GRAMD1A: variants seen among roughly 807,000 people sequenced by gnomAD.
GRAMD1A encodes GRAM domain containing 1A.
GRAMD1A carries 50 observed loss-of-function variants against 92.0 expected under a neutral mutation model. That is an observed-to-expected ratio of 0.54 (90% CI 0.43 to 0.69). The LOEUF is 0.69. Ranked by LOEUF, GRAMD1A falls within the 30% of genes least tolerant of loss-of-function variation. The probability of loss-of-function intolerance (pLI) is 0.00; values close to 1 mark genes in which losing one functional copy is unlikely to be tolerated. For synonymous variants in GRAMD1A, 405 were observed against 403.6 expected (o/e 1.00, Z -0.04); for missense variants, 819 against 978.9 (o/e 0.84, Z 2.18).
intron 13 of GRAMD1A, among the ~76,000 whole-genome samples, chr19:35,020,967 G>T (rs73597435): frequency 0.036 from 5,470 of 152,304 alleles, 324 homozygotes; most frequent in African/African-American, 0.13. Context: ...AGGTTTAGCT[G>T]ACAGGATTTG....
chr19:34,995,966 T>C (rs893135727), upstream of GRAMD1A: 16 of 1,414,390 alleles, frequency 1.1e-5, no homozygotes, highest in African/African-American at 1.4e-5. Flanking sequence ...GGGAGCTCTA[T>C]CCCTCATCTC....
chr19:35,018,850 A>C (rs1600325003), intron 11 of GRAMD1A, among the ~76,000 whole-genome samples: 1 of 151,886 alleles, frequency 6.6e-6, no homozygotes, highest in East Asian at 1.9e-4. Context: ...GGGGCCTGGG[A>C]GATGCAGCAG....
At chr19:35,022,244 G>T (rs536878976) in intron 16 of GRAMD1A, among the ~76,000 whole-genome samples, 23 of 152,228 alleles carry the variant, frequency 1.5e-4, no homozygotes, top group South Asian at 2.1e-4. Context: ...AGCCGGGGGG[G>T]GCTATGGGAG....
chr19:35,025,934 G>A, intron 19 of GRAMD1A, 115 bp from the exon 20 acceptor site: 2 of 688,820 alleles, frequency 2.9e-6, no homozygotes, highest in Non-Finnish European at 5.3e-6. Context: ...ACCCTGGGGT[G>A]GGGCAGTATG....
chr19:35,023,092 C>A, intron 17 of GRAMD1A, 144 bp from the exon 18 acceptor site: 2 of 805,174 alleles, frequency 2.5e-6, no homozygotes, highest in South Asian at 1.5e-5. Flanking sequence ...GACTGTGCAA[C>A]CCTAGGCATG....
chr19:34,995,571 GTTTTT>G (rs59556577), upstream of GRAMD1A, among the ~76,000 whole-genome samples: 1 of 93,652 alleles, frequency 1.1e-5, no homozygotes, highest in Admixed American at 1.3e-4. Context: ...CAGATCACGG[GTTTTT>G]TTTTTTTTTT....
intron 16 of GRAMD1A, 80 bp from the exon 17 acceptor site, chr19:35,022,820 C>A: frequency 6.8e-7 from 1 of 1,479,612 alleles, no homozygotes; most frequent in Non-Finnish European, 9.2e-7. Flanking sequence ...AGAGCTGCCC[C>A]GGGTGAGGAG....
chr19:35,017,410 C>G (rs2015719910), intron 11 of GRAMD1A, among the ~76,000 whole-genome samples: 2 of 152,240 alleles, frequency 1.3e-5, no homozygotes, highest in South Asian at 4.1e-4. Context: ...ACACAAGGCA[C>G]CATCTTCCTG....
intron 19 of GRAMD1A, chr19:35,024,891 G>A (rs1216128842): frequency 6.6e-6 from 1 of 152,212 alleles, no homozygotes; most frequent in East Asian, 1.9e-4. Context: ...TGACTCAAGT[G>A]ATCCTCCTGC....
At chr19:35,012,618 CAT>C (rs1862655824) in intron 7 of GRAMD1A, among the ~76,000 whole-genome samples, 1 of 152,022 alleles carries the variant, frequency 6.6e-6, no homozygotes, top group Non-Finnish European at 1.5e-5. Flanking sequence ...ACCTTGAACA[CAT>C]GACTTTCCCT....
Position 35,014,318 on chromosome 19 carries a change from T to A in GRAMD1A, c.1000T>A (p.Leu334Met). 1 of 1,614,102 alleles carries A rather than the reference T, an allele frequency of 6.2e-7. No homozygotes were observed. Among genetic ancestry groups the A allele is most frequent in the Non-Finnish European group, 8.5e-7 (1 of 1,179,984 alleles). Residue 334 changes from leucine to methionine, a missense_variant, in exon 10 of 20, where the codon TTG becomes ATG. By Grantham distance (15) the Leu-to-Met change is conservative. Transcript: ENST00000317991. ...QPDGPTTLGP[L>M]DLLPSEELLT... ...TGACGGGCCCACCACCCTGGGCCCC[T>A]TGGATCTGCTGCCCAGTGAGGAGCT...
In GRAMD1A at chr19:35,021,905, G is replaced by A. The variant is rs573284711; in HGVS notation, c.1753+41G>A. The A allele has an allele frequency of 1.2e-5, 19 of 1,608,770 alleles. No homozygotes were observed. In the South Asian group the frequency reaches 1.3e-4, roughly 11 times the overall value. On this transcript the variant is annotated intron_variant, in intron 15 of 19. Transcript: ENST00000317991. This position sits in a 1 kb window ranked among gnomAD's most constrained non-coding sequence, Gnocchi z 5.3. ...GCCGGGTTGGGGTAGGCGGAGGATC[G>A]GGGGTCCTGGACTGGGCCATCTGAC...
At chr19:35,016,483 G>A (rs2015638104) in intron 11 of GRAMD1A, among the ~76,000 whole-genome samples, 1 of 151,174 alleles carries the variant, frequency 6.6e-6, no homozygotes, top group Non-Finnish European at 1.5e-5. Flanking sequence ...TATAGTCCCA[G>A]CTACTTGGGA....
At chr19:35,015,793 GTCA>G (rs1568331088) in intron 10 of GRAMD1A, 28 bp from the exon 11 acceptor site, 1 of 1,605,480 alleles carries the variant, frequency 6.2e-7, no homozygotes, top group Non-Finnish European at 8.5e-7. Context: ...AGTGGAGGCA[GTCA>G]TCATCCTCGG....
In GRAMD1A at chr19:35,013,411, C is replaced by A; in HGVS notation, c.719+43C>A. 6.7e-7 allele frequency: 1 copy of A among 1,503,522 alleles called. No individual in the cohort carries two copies. 93.1% of individuals were successfully genotyped at this position (1,503,522 alleles called of 1,614,324 possible). A position where few individuals can be genotyped will look rare whatever the true frequency, so the allele number is the denominator to read the frequency against. On this transcript the variant is annotated intron_variant, in intron 8 of 19. Coordinates refer to ENST00000317991, the MANE Select transcript of GRAMD1A (RefSeq NM_020895.5). The surrounding 1 kb of genome is among the most constrained non-coding windows in gnomAD (Gnocchi z 4.9). ...GGAGGTTGAAGGGTTCGGGGGAGAA[C>A]AGGACGGTCGGCGTGCAGAGTTCCT...
intron 19 of GRAMD1A, 108 bp from the exon 20 acceptor site, chr19:35,025,941 T>C: frequency 1.4e-6 from 1 of 707,308 alleles, no homozygotes; most frequent in Non-Finnish European, 2.6e-6. Context: ...GGTGGGGCAG[T>C]ATGGCCTCTA....
chr19:35,014,371 A>T lies in GRAMD1A; in HGVS notation c.1053A>T (p.Ser351=), dbSNP rs780060844. 1 of 1,613,952 alleles carries T rather than the reference A, an allele frequency of 6.2e-7. No individual in the cohort carries two copies. Among genetic ancestry groups the T allele is most frequent in the South Asian group, 1.1e-5 (1 of 91,076 alleles). ...TGACAGACACAAGTAACTCCTCTTC[A>T]TCCACTGGGGAGGAAGGTGAGGCAG... ...ELLTDTSNSS[S]STGEEADLAA... is the part of the protein sequence containing the mutation. Residue 351 remains serine, a synonymous_variant, in exon 10 of 20, where the codon TCA becomes TCT. Transcript: ENST00000317991.
At chr19:35,023,127 TCTC>T (rs1467269278) in intron 17 of GRAMD1A, 106 bp from the exon 18 acceptor site, 5 of 868,510 alleles carry the variant, frequency 5.8e-6, no homozygotes, top group South Asian at 1.4e-5. Flanking sequence ...TGAGCCTAAT[TCTC>T]CTCCTCTGCA....
At chr19:35,010,412 TCC>T in intron 6 of GRAMD1A, 33 bp downstream of exon 6, 1 of 1,436,212 alleles carries the variant, frequency 7.0e-7, no homozygotes, top group Non-Finnish European at 9.8e-7. Context: ...GACCACGCGG[TCC>T]CCCGCTCAGC....
Sources: gnomAD v4.1 joint callset for allele counts (sites outside exome capture counted in the v4.1 genomes callset) on GRCh38, gnomAD v4.1.1 for gene constraint, Gnocchi (gnomAD v3.1) non-coding constraint, MANE v1.5 for transcripts, NCBI Gene and HGNC (gene_info 2026-07-23, HGNC 2026-07-21) for gene names.